Variants in ZNF426 observed in about 807,000 individuals in gnomAD.
ZNF426 encodes zinc finger protein 426, also known as CTC-543D15.7.
Under a neutral mutation model 24.0 loss-of-function variants are expected in ZNF426, and 23 were observed. The observed-to-expected ratio is 0.96, with a 90% confidence interval of 0.69 to 1.36. The LOEUF (loss-of-function observed/expected upper bound fraction) is 1.36, where lower values mean the gene tolerates loss of function less well. Among genes scored for constraint, ZNF426 ranks in the 40% most tolerant of loss-of-function variants. ZNF426 has a pLI of 0.00. For synonymous variants in ZNF426, 272 were observed against 224.6 expected (o/e 1.21, Z -1.89); for missense variants, 646 against 658.4 (o/e 0.98, Z 0.21).
Position 9,525,795 on chromosome 19 carries a change from ATTTAT to A in ZNF426, c.*2580_*2584del, listed in dbSNP as rs1020400680. On this transcript the variant is annotated 3_prime_UTR_variant, in exon 8 of 8. Coordinates refer to ENST00000253115, the MANE Select transcript of ZNF426 (RefSeq NM_024106.3). ...AGCCACTGCGCCTAGCCTTTTATTT[ATTTAT>A]TTATTTTTTTGAGACAGTGTCTCAC... is the stretch of plus-strand genomic sequence containing the variant. 6.8e-6 allele frequency: 1 copy of A among 148,000 alleles called. No homozygotes were observed. Among genetic ancestry groups the A allele is most frequent in the Non-Finnish European group, 1.5e-5 (1 of 66,938 alleles). The allele number at this position is 148,000 out of a possible 1,614,324, so 9.2% of individuals were successfully genotyped here. A position where few individuals can be genotyped will look rare whatever the true frequency, so the allele number is the denominator to read the frequency against.
rs879137676 is a variant in ZNF426 at position 9,533,911 on chromosome 19, A to G, written c.173T>C (p.Leu58Ser). The G allele has an allele frequency of 1.2e-6, 2 of 1,614,184 alleles. No homozygotes were observed. Among genetic ancestry groups the G allele is most frequent in the Non-Finnish European group, 1.7e-6 (2 of 1,180,004 alleles). The stretch of plus-strand genomic sequence containing the variant: ...GAGGCTTCTCTGAGTTGAGTCCAGT[A>G]AAGTCCACTCCTCCTGGGTGAAGTC... ...AVDFTQEEWT[L>S]LDSTQRSLYS... The change falls in exon 5 of 8, where the codon TTA becomes TCA. Residue 58 changes from leucine to serine, a missense_variant. Physicochemically the swap from Leu to Ser is moderately radical, Grantham distance 145. Transcript: ENST00000253115.
At position 9,538,587 on chromosome 19, in the gene ZNF426, G is replaced by A. The variant is rs973282968; in HGVS notation, c.-224C>T. On this transcript the variant is annotated 5_prime_UTR_variant, in exon 1 of 8. Coordinates refer to ENST00000253115, the MANE Select transcript of ZNF426 (RefSeq NM_024106.3). ...CCTCGGAACTCACCCAGGCCAGTGA[G>A]GCCTTAACTCTGAAAGGCAAAAAGA... The A allele has an allele frequency of 6.6e-6, 1 of 152,256 alleles. No homozygotes were observed. The highest frequency in any genetic ancestry group is 1.5e-5 in the Non-Finnish European group (1 of 68,116). The allele number at this position is 152,256 out of a possible 1,614,324, so 9.4% of individuals were successfully genotyped here. A position where few individuals can be genotyped will look rare whatever the true frequency, so the allele number is the denominator to read the frequency against.
Position 9,532,872 on chromosome 19 carries a change from T to C in ZNF426, c.298A>G (p.Arg100Gly), listed in dbSNP as rs747706523. 8 of 1,614,006 alleles carry C rather than the reference T, an allele frequency of 5.0e-6. No individual in the cohort carries two copies. The East Asian group carries it at 6.7e-5, about 13-fold the overall frequency. The change falls in exon 6 of 8, where the codon AGG becomes GGG. Residue 100 changes from arginine (R) to glycine (G), a missense_variant. By Grantham distance (125) the Arg-to-Gly change is moderately radical (BLOSUM62 -2). Transcript: ENST00000253115. ...TGGAGAACTCCTCCCTGAACTGTCC[T>C]TGACTCTTCTTGTTCCAACCAAGAG... is the stretch of plus-strand genomic sequence containing the variant. Reference protein sequence around the residue: ...LISWLEQEESRTVQGGVLQGW... With the variant: ...LISWLEQEESGTVQGGVLQGW...
In ZNF426 at chr19:9,526,351, T is replaced by C. The variant is rs1237443107; in HGVS notation, c.*2029A>G. 7 of 151,952 alleles carry C rather than the reference T, an allele frequency of 4.6e-5. No homozygotes were observed. Among genetic ancestry groups the C allele is most frequent in the Non-Finnish European group, 1.0e-4 (7 of 68,010 alleles). 9.4% of individuals were successfully genotyped at this position (151,952 alleles called of 1,614,324 possible). A position where few individuals can be genotyped will look rare whatever the true frequency, so the allele number is the denominator to read the frequency against. ...GACTGGGAATTTAAAACAATTATGA[T>C]TGATATGCCATGGGTTCTACTGGAT... On this transcript the variant is annotated 3_prime_UTR_variant, in exon 8 of 8. Transcript: ENST00000253115.
chr19:9,538,251 G>A lies in ZNF426; in HGVS notation c.-125+8C>T, dbSNP rs894186471. 1.4e-4 allele frequency: 21 copies of A among 152,150 alleles called. No homozygotes were observed. Among genetic ancestry groups the A allele is most frequent in the African/African-American group, 4.6e-4 (19 of 41,430 alleles). The allele number at this position is 152,150 out of a possible 1,614,324, so 9.4% of individuals were successfully genotyped here. A position where few individuals can be genotyped will look rare whatever the true frequency, so the allele number is the denominator to read the frequency against. On this transcript the variant is annotated splice_region_variant and intron_variant, in intron 2 of 7. Coordinates refer to ENST00000253115, the MANE Select transcript of ZNF426 (RefSeq NM_024106.3). The stretch of plus-strand genomic sequence containing the variant: ...GCCCCCTAGAACCAACTTTCACCCA[G>A]TGCTCACCGGAACACTCAGAAATCG...
At chr19:9,536,452 G>A (rs909670640) in intron 2 of ZNF426, 96 bp from the exon 3 acceptor site, 17 of 1,274,764 alleles carry the variant, frequency 1.3e-5, no homozygotes, top group Admixed American at 1.2e-4. Flanking sequence ...TGTAATCCCA[G>A]CATTTTGGGA....
rs981811309 is a variant in ZNF426, at chr19:9,527,841, C to G, written c.*539G>C. ...TGATAGAAGGATCTGTCCCAGTGCT[C>G]TGTCTTTGGCTTGCAGATGGCCATC... On this transcript the variant is annotated 3_prime_UTR_variant, in exon 8 of 8. Transcript: ENST00000253115. The G allele has an allele frequency of 9.8e-5, 15 of 152,392 alleles. No individual in the cohort carries two copies. The highest frequency in any genetic ancestry group is 3.4e-4 in the African/African-American group (14 of 41,434). The allele number at this position is 152,392 out of a possible 1,614,324, so 9.4% of individuals were successfully genotyped here. A position where few individuals can be genotyped will look rare whatever the true frequency, so the allele number is the denominator to read the frequency against.
chr19:9,534,367 G>A (rs983662460), intron 4 of ZNF426, among the ~76,000 whole-genome samples: 5 of 151,870 alleles, frequency 3.3e-5, no homozygotes, highest in Admixed American at 6.6e-5. Flanking sequence ...CACCATGCCC[G>A]GCTAATTTTT....
chr19:9,536,454 A>G, intron 2 of ZNF426, 98 bp from the exon 3 acceptor site: 2 of 1,237,306 alleles, frequency 1.6e-6, no homozygotes, highest in East Asian at 2.7e-5. Context: ...TAATCCCAGC[A>G]TTTTGGGAGG....
chr19:9,528,970 TG>T lies in ZNF426; in HGVS notation c.1074del (p.His358GlnfsTer26), dbSNP rs769625829. 1.2e-6 allele frequency: 2 copies of T among 1,614,028 alleles called. No homozygotes were observed. Among genetic ancestry groups the T allele is most frequent in the Non-Finnish European group, 1.7e-6 (2 of 1,179,956 alleles). ...YSGLSMHVRSHSGDKPYECKE... is the reference protein window; with the variant it reads ...YSGLSMHVRSXSGDKPYECKE... ...TTACATTCATAGGGCTTGTCTCCACTGTGAGATCGTACATGCATACTAAGGC... is the reference window on the plus strand; with the variant it reads ...TTACATTCATAGGGCTTGTCTCCACTTGAGATCGTACATGCATACTAAGGC... On this transcript the variant is annotated frameshift_variant, in exon 8 of 8. Coordinates refer to ENST00000253115, the MANE Select transcript of ZNF426 (RefSeq NM_024106.3). LOFTEE classifies it low-confidence loss of function (END_TRUNC).
chr19:9,529,042 G>GTT lies in ZNF426; in HGVS notation c.1001_1002dup (p.Pro335AsnfsTer50), dbSNP rs762819710. 1.3e-5 allele frequency: 21 copies of GTT among 1,613,630 alleles called. 1 individual carries two copies. The highest frequency in any genetic ancestry group is 1.5e-5 in the Non-Finnish European group (18 of 1,179,810). On this transcript the variant is annotated frameshift_variant, in exon 8 of 8. Transcript: ENST00000253115. LOFTEE classifies it low-confidence loss of function (END_TRUNC). ...TTCCCACATTCCTTACATACATAGG[G>GTT]TTTCTCTCCAGTGTGAGTTCTTCCA...
rs1262147515 is a variant in ZNF426, at chr19:9,527,295, T to G, written c.*1085A>C. On this transcript the variant is annotated 3_prime_UTR_variant, in exon 8 of 8. Transcript: ENST00000253115. The stretch of plus-strand genomic sequence containing the variant: ...AAGGCTTCTCTCCAGTTCGACTTCT[T>G]ACACCTTCTAGAAGGTAGAAAACAT... The G allele has an allele frequency of 2.0e-5, 3 of 152,186 alleles. No homozygotes were observed. The highest frequency in any genetic ancestry group is 1.3e-4 in the Admixed American group (2 of 15,278). 9.4% of individuals were successfully genotyped at this position (152,186 alleles called of 1,614,324 possible).
At chr19:9,535,085 A>G in intron 4 of ZNF426, 103 bp downstream of exon 4, 1 of 907,176 alleles carries the variant, frequency 1.1e-6, no homozygotes, top group Non-Finnish European at 1.6e-6. Flanking sequence ...CTCAAAAAAA[A>G]AAAAAAAAAA....
chr19:9,537,693 C>A (rs554218744), intron 2 of ZNF426, among the ~76,000 whole-genome samples: 52 of 152,068 alleles, frequency 3.4e-4, no homozygotes, highest in African/African-American at 1.2e-3. Flanking sequence ...CTCTGTCTCC[C>A]AGGCTGGAGT....
chr19:9,531,139 C>T (rs554719577), intron 6 of ZNF426, 72 bp from the exon 7 acceptor site: 24 of 1,258,720 alleles, frequency 1.9e-5, no homozygotes, highest in Non-Finnish European at 2.8e-5. Flanking sequence ...AATCCCAGCA[C>T]TTTGGGAGGC....
At position 9,528,878 on chromosome 19, in the gene ZNF426, C is replaced by G; in HGVS notation, c.1167G>C (p.Glu389Asp). 6.2e-7 allele frequency: 1 copy of G among 1,614,164 alleles called. No individual in the cohort carries two copies. The highest frequency in any genetic ancestry group is 8.5e-7 in the Non-Finnish European group (1 of 1,180,026). Residue 389 changes from glutamate (E) to aspartate (D), a missense_variant, in exon 8 of 8, where the codon GAG becomes GAC. Coordinates refer to ENST00000253115, the MANE Select transcript of ZNF426 (RefSeq NM_024106.3). ...LIQHIRTHTGEKPFVCVECGK... is the reference protein window; with the variant it reads ...LIQHIRTHTGDKPFVCVECGK... ...CACATTCAACACATACAAAAGGCTTCTCTCCAGTGTGAGTTCTTATATGTT... is the reference window on the plus strand; with the variant it reads ...CACATTCAACACATACAAAAGGCTTGTCTCCAGTGTGAGTTCTTATATGTT...
chr19:9,536,476 G>T (rs940260521), intron 2 of ZNF426, 120 bp from the exon 3 acceptor site: 6 of 939,344 alleles, frequency 6.4e-6, no homozygotes, highest in Non-Finnish European at 9.2e-6. Context: ...CAGGGTGGGA[G>T]GACTGCTTCA....
At chr19:9,531,419 C>T (rs192645178) in intron 6 of ZNF426, among the ~76,000 whole-genome samples, 45 of 152,182 alleles carry the variant, frequency 3.0e-4, no homozygotes, top group African/African-American at 8.9e-4. Flanking sequence ...GAAAGAAATG[C>T]AAAGAGTTCA....
At position 9,523,710 on chromosome 19, in the gene ZNF426, G is replaced by C. The variant is rs1490263612; in HGVS notation, c.*4670C>G. ...TCATCAGGCATTAGATTCTCATAAGGAGTGTGCAACCTAGATCCCTTGCAT... is the reference window on the plus strand; with the variant it reads ...TCATCAGGCATTAGATTCTCATAAGCAGTGTGCAACCTAGATCCCTTGCAT... On this transcript the variant is annotated 3_prime_UTR_variant, in exon 8 of 8. Coordinates refer to ENST00000253115, the MANE Select transcript of ZNF426 (RefSeq NM_024106.3). The C allele has an allele frequency of 2.6e-5, 4 of 152,186 alleles. No homozygotes were observed. In the South Asian group the frequency reaches 6.2e-4, roughly 24 times the overall value. The allele number at this position is 152,186 out of a possible 1,614,324, so 9.4% of individuals were successfully genotyped here. A position where few individuals can be genotyped will look rare whatever the true frequency, so the allele number is the denominator to read the frequency against.
Sources: gnomAD v4.1 joint callset for allele counts (sites outside exome capture counted in the v4.1 genomes callset) on GRCh38, gnomAD v4.1.1 for gene constraint, MANE v1.5 for transcripts, NCBI Gene and HGNC (gene_info 2026-07-23, HGNC 2026-07-21) for gene names.